IMMP2L: variants seen among roughly 807,000 people sequenced by gnomAD.
IMMP2L encodes the protein mitochondrial inner membrane protease subunit 2.
IMMP2L carries 18 observed loss-of-function variants against 19.3 expected under a neutral mutation model. The observed-to-expected ratio is 0.93, with a 90% CI of 0.64 to 1.38. The LOEUF (loss-of-function observed/expected upper bound fraction) is 1.38. Ranked by LOEUF, IMMP2L falls within the 40% of genes most tolerant of loss-of-function variation. The pLI, the probability that IMMP2L is intolerant of heterozygous loss-of-function variation, is 0.00. For missense variants in IMMP2L, 233 were observed against 218.2 expected (o/e 1.07, Z -0.43); for synonymous variants, 76 against 73.0 (o/e 1.04, Z -0.21).
chr7:110,849,991 A>G (rs1806035784), intron 5 of IMMP2L, among the ~76,000 whole-genome samples: 1 of 152,046 alleles, frequency 6.6e-6, no homozygotes, highest in African/African-American at 2.4e-5. Context: ...ATATTTTCTT[A>G]TAGAGAAAAA....
chr7:111,115,078 A>G (rs1278601165), intron 3 of IMMP2L, among the ~76,000 whole-genome samples: 1 of 152,168 alleles, frequency 6.6e-6, no homozygotes, highest in Non-Finnish European at 1.5e-5. Context: ...TAATGAATAA[A>G]TGAGTGTTTT....
intron 3 of IMMP2L, among the ~76,000 whole-genome samples, chr7:111,222,746 A>G (rs1812654727): frequency 6.6e-6 from 1 of 152,088 alleles, no homozygotes; most frequent in Admixed American, 6.6e-5. Flanking sequence ...AAAATAGCAA[A>G]ACTACTTTTG....
chr7:111,197,797 T>C (rs912497622), intron 3 of IMMP2L, among the ~76,000 whole-genome samples: 5 of 152,218 alleles, frequency 3.3e-5, no homozygotes, highest in Non-Finnish European at 7.3e-5. Flanking sequence ...AATTGCAGTT[T>C]AAAATGTTTA....
At chr7:111,347,799 G>A (rs76783043) in intron 3 of IMMP2L, among the ~76,000 whole-genome samples, 1,621 of 152,066 alleles carry the variant, frequency 0.011, 32 homozygotes, top group African/African-American at 0.036. Flanking sequence ...AATCTTTCAA[G>A]GCCCAATTCC....
intron 3 of IMMP2L, among the ~76,000 whole-genome samples, chr7:111,030,287 A>G (rs1827272616): frequency 6.6e-6 from 1 of 152,164 alleles, no homozygotes; most frequent in Admixed American, 6.6e-5. Flanking sequence ...TGTGAAAAAA[A>G]AGCCTATAAT....
At chr7:111,371,863 G>A (rs757150115) in intron 3 of IMMP2L, among the ~76,000 whole-genome samples, 3 of 152,066 alleles carry the variant, frequency 2.0e-5, no homozygotes, top group Non-Finnish European at 4.4e-5. Flanking sequence ...AAAATATTGT[G>A]AAAACACTGT....
intron 3 of IMMP2L, among the ~76,000 whole-genome samples, chr7:111,285,160 G>A (rs887454833): frequency 2.6e-5 from 4 of 152,100 alleles, no homozygotes; most frequent in African/African-American, 9.7e-5. Context: ...GAAACAGTGT[G>A]GCATATGAGG....
chr7:111,017,354 G>A (rs1585773330), intron 3 of IMMP2L, among the ~76,000 whole-genome samples: 1 of 151,950 alleles, frequency 6.6e-6, no homozygotes, highest in Non-Finnish European at 1.5e-5. Context: ...GTGAGCCACT[G>A]CGCCCAGCCT....
chr7:110,698,092 AATTTC>A (rs1794009792), intron 5 of IMMP2L, among the ~76,000 whole-genome samples: 1 of 152,196 alleles, frequency 6.6e-6, no homozygotes, highest in African/African-American at 2.4e-5. Flanking sequence ...TTATCATTAA[AATTTC>A]ATGGGGAGGC....
At chr7:110,753,103 C>T (rs753421788) in intron 5 of IMMP2L, among the ~76,000 whole-genome samples, 1 of 151,862 alleles carries the variant, frequency 6.6e-6, no homozygotes, top group Non-Finnish European at 1.5e-5. Context: ...TTGGTTGATG[C>T]TGGGGGAGCA....
intron 4 of IMMP2L, among the ~76,000 whole-genome samples, chr7:110,934,307 T>C (rs1231969827): frequency 2.0e-5 from 3 of 152,234 alleles, no homozygotes; most frequent in Admixed American, 1.3e-4. Context: ...GAGAAGAATG[T>C]ACATTTTGTT....
At chr7:111,092,446 A>C (rs2129578056) in intron 3 of IMMP2L, among the ~76,000 whole-genome samples, 1 of 152,282 alleles carries the variant, frequency 6.6e-6, no homozygotes, top group South Asian at 2.1e-4. Flanking sequence ...TCTGCCTCTA[A>C]TTTCAGTGAA....
chr7:111,473,654 GA>G (rs1226202709), intron 3 of IMMP2L, among the ~76,000 whole-genome samples: 3 of 152,122 alleles, frequency 2.0e-5, no homozygotes, highest in African/African-American at 7.2e-5. Context: ...TGATAGTCAT[GA>G]CATTGCATAA....
At chr7:110,997,970 A>G (rs889177034) in intron 3 of IMMP2L, among the ~76,000 whole-genome samples, 1 of 152,154 alleles carries the variant, frequency 6.6e-6, no homozygotes, top group Non-Finnish European at 1.5e-5. Flanking sequence ...TGGAAGCTTC[A>G]TTGTACTCAA....
intron 5 of IMMP2L, among the ~76,000 whole-genome samples, chr7:110,850,707 TA>T (rs542479859): frequency 7.5e-4 from 100 of 133,088 alleles, no homozygotes; most frequent in Middle Eastern, 8.1e-3. Flanking sequence ...AAATTCTTAG[TA>T]AAAAAAAAAA....
chr7:110,983,030 C>T (rs1821467991), intron 3 of IMMP2L, among the ~76,000 whole-genome samples: 1 of 152,014 alleles, frequency 6.6e-6, no homozygotes, highest in Non-Finnish European at 1.5e-5. Context: ...AAATATCCCA[C>T]TTATAATTTT....
chr7:110,697,969 A>T (rs961996848), intron 5 of IMMP2L, among the ~76,000 whole-genome samples: 1 of 152,156 alleles, frequency 6.6e-6, no homozygotes, highest in South Asian at 2.1e-4. Context: ...TTTTATTGCT[A>T]AAATACTATG....
intron 5 of IMMP2L, among the ~76,000 whole-genome samples, chr7:110,665,581 GTTTACA>G (rs1257645457): frequency 2.6e-5 from 4 of 152,050 alleles, no homozygotes; most frequent in Non-Finnish European, 5.9e-5. Context: ...TTTTGCTTCG[GTTTACA>G]TTTAATTTCT....
intron 3 of IMMP2L, among the ~76,000 whole-genome samples, chr7:111,016,773 C>CATATATAATATATACTATATA (rs1388587465): frequency 2.6e-4 from 21 of 79,910 alleles, no homozygotes; most frequent in African/African-American, 7.3e-4. Context: ...TTTATATATG[C>CATATATAATATATACTATATA]ATATATAATA....
Sources: gnomAD v4.1 joint callset for allele counts (sites outside exome capture counted in the v4.1 genomes callset) on GRCh38, gnomAD v4.1.1 for gene constraint, MANE v1.5 for transcripts, NCBI Gene and HGNC (gene_info 2026-07-23, HGNC 2026-07-21) for gene names.